SNX4: variants seen among roughly 807,000 people sequenced by gnomAD.
SNX4 encodes sorting nexin 4, also known as sorting nexin-4.
A neutral mutation model predicts 70.8 loss-of-function variants in SNX4; 49 were observed. The observed-to-expected ratio is 0.69, with a 90% confidence interval of 0.55 to 0.88. The LOEUF is 0.88. Ranked by LOEUF, SNX4 falls within the 40% of genes least tolerant of loss-of-function variation. SNX4 has a pLI of 0.00. For missense variants in SNX4, 528 were observed against 544.8 expected, an observed-to-expected ratio of 0.97 and a Z score of 0.31; for synonymous variants, 206 against 183.8, an observed-to-expected ratio of 1.12 and a Z score of -0.98.
intron 5 of SNX4, among the ~76,000 whole-genome samples, chr3:125,495,854 T>C (rs1021944376): frequency 6.6e-6 from 1 of 152,226 alleles, no homozygotes; most frequent in Non-Finnish European, 1.5e-5. Flanking sequence ...TATCAAACTA[T>C]TTTTCAGAAA....
intron 8 of SNX4, among the ~76,000 whole-genome samples, chr3:125,470,249 G>A (rs1279868886): frequency 6.6e-6 from 1 of 152,076 alleles, no homozygotes; most frequent in Non-Finnish European, 1.5e-5. Context: ...ATGTGAGTTT[G>A]TGTCATGCTT....
At chr3:125,466,581 A>G (rs567788487) in intron 9 of SNX4, among the ~76,000 whole-genome samples, 23 of 152,328 alleles carry the variant, frequency 1.5e-4, no homozygotes, top group Admixed American at 2.6e-4. Flanking sequence ...AATATCCAGA[A>G]TCTATAAGGA....
intron 2 of SNX4, among the ~76,000 whole-genome samples, chr3:125,499,900 A>G (rs1185178771): frequency 6.6e-6 from 1 of 152,138 alleles, no homozygotes; most frequent in Non-Finnish European, 1.5e-5. Flanking sequence ...CTCTACTAAA[A>G]ATACAAAAAA....
intron 9 of SNX4, 114 bp downstream of exon 9, chr3:125,469,340 T>A: frequency 3.0e-6 from 2 of 676,656 alleles, no homozygotes; most frequent in Non-Finnish European, 5.2e-6. Flanking sequence ...TATGTACACA[T>A]AGAGCGCAAT....
intron 9 of SNX4, among the ~76,000 whole-genome samples, chr3:125,462,945 C>T (rs62270169): frequency 0.088 from 13,387 of 152,180 alleles, 728 homozygotes; most frequent in Admixed American, 0.16. Flanking sequence ...CACCTAGAGT[C>T]GGCCTCGTGT....
chr3:125,504,475 C>A (rs1580006785), intron 2 of SNX4, 148 bp downstream of exon 2: 7 of 722,598 alleles, frequency 9.7e-6, no homozygotes, highest in Middle Eastern at 3.7e-4. Context: ...CAGAATGAGA[C>A]CCTGTCTCAA....
intron 12 of SNX4, among the ~76,000 whole-genome samples, chr3:125,452,929 TTCTA>T (rs1186853029): frequency 6.8e-4 from 104 of 152,270 alleles, no homozygotes; most frequent in African/African-American, 2.3e-3. Context: ...TCTTTTTTAA[TTCTA>T]TCTATTACTT....
chr3:125,498,794 A>G (rs1418049658), intron 2 of SNX4, among the ~76,000 whole-genome samples: 1 of 152,174 alleles, frequency 6.6e-6, no homozygotes, highest in Non-Finnish European at 1.5e-5. Flanking sequence ...AAACAGTTTT[A>G]TTAGGAACAC....
At chr3:125,484,813 A>G (rs1358772838) in intron 6 of SNX4, among the ~76,000 whole-genome samples, 1 of 152,012 alleles carries the variant, frequency 6.6e-6, no homozygotes, top group East Asian at 1.9e-4. Context: ...GTTTCTGCAA[A>G]AAGTACAAAA....
rs549181698 is a variant in SNX4, at chr3:125,463,700, C to T, written c.855-2840G>A. On this transcript the variant is annotated intron_variant, in intron 9 of 13. Coordinates refer to ENST00000251775, the MANE Select transcript of SNX4 (RefSeq NM_003794.4). ...AAGAACTGTATGTATTTACAGTGTA[C>T]AATGTGATGTTTTGATGTATGTATA... Among the ~76,000 whole-genome samples the T allele has an allele frequency of 1.1e-4, 16 of 152,132 alleles. No individual in the cohort carries two copies. The South Asian group carries it at 3.3e-3, about 32-fold the overall frequency.
intron 2 of SNX4, among the ~76,000 whole-genome samples, chr3:125,501,347 T>C (rs893339799): frequency 2.0e-5 from 3 of 152,200 alleles, no homozygotes; most frequent in Non-Finnish European, 4.4e-5. Flanking sequence ...CTGGGCACAT[T>C]GGCTCACACC....
chr3:125,486,859 T>C (rs1934544858), intron 6 of SNX4, among the ~76,000 whole-genome samples: 1 of 152,174 alleles, frequency 6.6e-6, no homozygotes, highest in Non-Finnish European at 1.5e-5. Context: ...CAGACCAGCC[T>C]GAGCAACACA....
At chr3:125,470,101 T>G (rs1287011924) in intron 8 of SNX4, among the ~76,000 whole-genome samples, 1 of 152,220 alleles carries the variant, frequency 6.6e-6, no homozygotes, top group Non-Finnish European at 1.5e-5. Flanking sequence ...AAAAATCTTT[T>G]TATGGAAGTT....
At chr3:125,490,304 G>T (rs977117725) in intron 5 of SNX4, among the ~76,000 whole-genome samples, 3 of 151,890 alleles carry the variant, frequency 2.0e-5, no homozygotes, top group African/African-American at 7.3e-5. Flanking sequence ...GGAGGCCGAG[G>T]CAGGCGGAGC....
At chr3:125,484,354 A>G (rs1934478047) in intron 6 of SNX4, among the ~76,000 whole-genome samples, 1 of 152,152 alleles carries the variant, frequency 6.6e-6, no homozygotes, top group Non-Finnish European at 1.5e-5. Context: ...CCTTGAGTTC[A>G]AGTGATTCTC....
chr3:125,469,523 G>C lies in SNX4; in HGVS notation c.789-4C>G. 2 of 1,605,940 alleles carry C rather than the reference G, an allele frequency of 1.2e-6. No homozygotes were observed. ...TTTTTCTATGGCACTCCATTCACTA[G>C]GGAGTAAAAGATAAAACCAAAAGCA... On this transcript the variant is annotated splice_region_variant and splice_polypyrimidine_tract_variant and intron_variant, in intron 8 of 13. Transcript: ENST00000251775.
chr3:125,482,771 A>G (rs1230512917), intron 6 of SNX4, among the ~76,000 whole-genome samples: 1 of 152,122 alleles, frequency 6.6e-6, no homozygotes, highest in Non-Finnish European at 1.5e-5. Flanking sequence ...GAAGTTGAGG[A>G]CATCAAATCA....
At chr3:125,504,332 C>CAAAA (rs759738129) in intron 2 of SNX4, among the ~76,000 whole-genome samples, 1 of 60,156 alleles carries the variant, frequency 1.7e-5, no homozygotes, top group Non-Finnish European at 3.2e-5. Flanking sequence ...GACTCCATCT[C>CAAAA]AAAAAAAAAA....
At chr3:125,493,012 C>T (rs1288130105) in intron 5 of SNX4, among the ~76,000 whole-genome samples, 1 of 152,224 alleles carries the variant, frequency 6.6e-6, no homozygotes, top group Non-Finnish European at 1.5e-5. Flanking sequence ...TAAAACGTTA[C>T]TTTTATACTA....
Sources: gnomAD v4.1 joint callset for allele counts (sites outside exome capture counted in the v4.1 genomes callset) on GRCh38, gnomAD v4.1.1 for gene constraint, MANE v1.5 for transcripts, NCBI Gene and HGNC (gene_info 2026-07-23, HGNC 2026-07-21) for gene names.